The following CDKL5 variants were observed in gnomAD, a reference collection of about 807,000 sequenced individuals.
CDKL5 encodes cyclin dependent kinase like 5, also known as cyclin-dependent kinase-like 5.
CDKL5 carries 8 observed loss-of-function variants against 61.7 expected under a neutral mutation model. The observed-to-expected ratio is 0.13, with a 90% CI of 0.08 to 0.23. The LOEUF is 0.23. Among genes scored for constraint, CDKL5 ranks in the 10% least tolerant of loss-of-function variants. The pLI is 1.00. For synonymous variants in CDKL5, 275 were observed against 272.3 expected, an observed-to-expected ratio of 1.01 and a Z score of -0.10; for missense variants, 440 against 734.5, an observed-to-expected ratio of 0.60 and a Z score of 4.63.
chrX:18,616,651 A>T (rs1484917315), intron 15 of CDKL5, among the ~76,000 whole-genome samples: 3 of 110,318 alleles, frequency 2.7e-5, no homozygotes, highest in Middle Eastern at 4.7e-3. Context: ...AAGAAATCCC[A>T]CTAGTTAAAT....
At chrX:18,557,879 T>C (rs919824908) in intron 3 of CDKL5, among the ~76,000 whole-genome samples, 1 of 112,026 alleles carries the variant, frequency 8.9e-6, no homozygotes, top group African/African-American at 3.2e-5. Flanking sequence ...GGCTTGATTT[T>C]TATGGGGTAG....
At chrX:18,578,606 C>T (rs901298755) in intron 5 of CDKL5, among the ~76,000 whole-genome samples, 9 of 112,313 alleles carry the variant, frequency 8.0e-5, no homozygotes, top group African/African-American at 2.9e-4. Context: ...AAACGTATTG[C>T]ATGTTAACAT....
intron 9 of CDKL5, among the ~76,000 whole-genome samples, chrX:18,591,801 G>A (rs1239775202): frequency 9.0e-6 from 1 of 110,777 alleles, no homozygotes; most frequent in Non-Finnish European, 1.9e-5. Flanking sequence ...CTAGACTCAG[G>A]CCAAATGTCC....
chrX:18,445,629 G>T (rs1464093970), intron 1 of CDKL5, among the ~76,000 whole-genome samples: 3 of 110,755 alleles, frequency 2.7e-5, no homozygotes, highest in Non-Finnish European at 5.7e-5. Flanking sequence ...TCATGGGGGC[G>T]GTTTCCCCCG....
At chrX:18,574,939 C>T (rs1925246908) in intron 4 of CDKL5, among the ~76,000 whole-genome samples, 1 of 112,097 alleles carries the variant, frequency 8.9e-6, no homozygotes, top group African/African-American at 3.2e-5. Flanking sequence ...GGTTCTTCTG[C>T]ACACTGACAG....
intron 1 of CDKL5, among the ~76,000 whole-genome samples, chrX:18,443,349 AT>A (rs1319620348): frequency 9.0e-6 from 1 of 111,055 alleles, no homozygotes; most frequent in Non-Finnish European, 1.9e-5. Flanking sequence ...AAATTTGTAA[AT>A]TTTTTTTAAC....
chrX:18,480,004 A>G (rs1034182474), intron 1 of CDKL5, among the ~76,000 whole-genome samples: 4 of 112,259 alleles, frequency 3.6e-5, no homozygotes, highest in Non-Finnish European at 3.8e-5. Context: ...TATTATTAAC[A>G]TCTTATATTG....
intron 1 of CDKL5, among the ~76,000 whole-genome samples, chrX:18,433,306 A>G (rs901814390): frequency 1.8e-5 from 2 of 110,830 alleles, no homozygotes; most frequent in African/African-American, 6.6e-5. Context: ...AATCCCTAGC[A>G]CTTTGGGAGG....
At chrX:18,505,599 C>A (rs962212097) in intron 1 of CDKL5, among the ~76,000 whole-genome samples, 1 of 111,551 alleles carries the variant, frequency 9.0e-6, no homozygotes, top group Non-Finnish European at 1.9e-5. Context: ...GTAAAATGTC[C>A]CTCAGCTTGG....
chrX:18,461,600 G>A (rs762565054), intron 1 of CDKL5, among the ~76,000 whole-genome samples: 1 of 112,127 alleles, frequency 8.9e-6, no homozygotes, highest in African/African-American at 3.2e-5. Context: ...GCTTCCTGTT[G>A]CTTACTGTTA....
At chrX:18,491,689 T>A (rs1037222047) in intron 1 of CDKL5, among the ~76,000 whole-genome samples, 9 of 111,604 alleles carry the variant, frequency 8.1e-5, no homozygotes, top group African/African-American at 2.6e-4. Context: ...TTTTTTTCAA[T>A]ATAATCTTAT....
At chrX:18,584,486 A>G in intron 8 of CDKL5, 133 bp downstream of exon 8, 1 of 493,628 alleles carries the variant, frequency 2.0e-6, no homozygotes, top group Non-Finnish European at 3.6e-6. Context: ...AGTATAACAA[A>G]CTACCTAAAA....
intron 1 of CDKL5, among the ~76,000 whole-genome samples, chrX:18,438,952 A>G (rs994827347): frequency 2.8e-5 from 3 of 107,767 alleles, no homozygotes; most frequent in Middle Eastern, 4.8e-3. Context: ...GGAGGCAAGG[A>G]GTGTTGACTG....
At chrX:18,463,489 G>C (rs1179535789) in intron 1 of CDKL5, among the ~76,000 whole-genome samples, 1 of 111,909 alleles carries the variant, frequency 8.9e-6, no homozygotes, top group East Asian at 2.8e-4. Flanking sequence ...ATACAATTCC[G>C]TAACAAATTT....
intron 1 of CDKL5, among the ~76,000 whole-genome samples, chrX:18,454,854 T>G (rs2147639255): frequency 9.2e-6 from 1 of 109,230 alleles, no homozygotes; most frequent in Admixed American, 9.9e-5. Flanking sequence ...GGAAATGATA[T>G]AATATCATTG....
chrX:18,503,464 G>T (rs997458881), intron 1 of CDKL5, among the ~76,000 whole-genome samples: 1 of 111,752 alleles, frequency 8.9e-6, no homozygotes, highest in African/African-American at 3.3e-5. Context: ...GATTATAGGC[G>T]TGAGCCATTG....
rs866818701 is a variant in CDKL5 at position 18,615,032 on chromosome X, A to G, written c.2276+1757A>G. On this transcript the variant is annotated intron_variant, in intron 15 of 17. Coordinates refer to ENST00000623535, the MANE Select transcript of CDKL5 (RefSeq NM_001323289.2). ...TAAGTAGAACTTGTTTTACGCGTGG[A>G]TATGTACAGAAACCTAAAAAGAGTT... is the stretch of plus-strand genomic sequence containing the variant. Among the ~76,000 whole-genome samples, 5 of 112,268 alleles carry G rather than the reference A, an allele frequency of 4.5e-5. No individual in the cohort carries two copies. The Middle Eastern group carries it at 0.014, about 309-fold the overall frequency.
At chrX:18,545,656 G>T (rs1448000429) in intron 3 of CDKL5, among the ~76,000 whole-genome samples, 1 of 112,074 alleles carries the variant, frequency 8.9e-6, no homozygotes, top group Admixed American at 9.4e-5. Context: ...TATGTACTTG[G>T]TACTATAATC....
chrX:18,542,099 GT>G (rs1387345908), intron 3 of CDKL5, among the ~76,000 whole-genome samples: 3 of 111,692 alleles, frequency 2.7e-5, no homozygotes, highest in Non-Finnish European at 3.8e-5. Context: ...TTAATCTCCT[GT>G]TTTTCTTGGC....
Sources: gnomAD v4.1 joint callset for allele counts (sites outside exome capture counted in the v4.1 genomes callset) on GRCh38, gnomAD v4.1.1 for gene constraint, MANE v1.5 for transcripts, NCBI Gene and HGNC (gene_info 2026-07-23, HGNC 2026-07-21) for gene names.